TRHDE: variants seen among roughly 807,000 people sequenced by gnomAD.
TRHDE encodes the protein thyrotropin-releasing hormone-degrading ectoenzyme.
In TRHDE, 72 loss-of-function variants were observed where a neutral mutation model predicts 125.7. The ratio of observed to expected loss-of-function variants is 0.57; its 90% CI spans 0.47 to 0.70. TRHDE has a LOEUF of 0.70. TRHDE is among the 30% of genes least tolerant of loss of function. The pLI is 0.00. For missense variants in TRHDE, 1,110 were observed against 1,327.1 expected, an observed-to-expected ratio of 0.84 and a Z score of 2.54; for synonymous variants, 509 against 509.1, an observed-to-expected ratio of 1.00 and a Z score of 0.00.
chr12:72,659,471 G>A (rs939562945), intron 18 of TRHDE, among the ~76,000 whole-genome samples: 1 of 151,974 alleles, frequency 6.6e-6, no homozygotes, highest in Non-Finnish European at 1.5e-5. Flanking sequence ...TGCATCAAAG[G>A]CATTACATTT....
chr12:72,439,034 G>A (rs1447542149), intron 3 of TRHDE, among the ~76,000 whole-genome samples: 1 of 151,836 alleles, frequency 6.6e-6, no homozygotes, highest in South Asian at 2.1e-4. Flanking sequence ...AGTTTTTCAA[G>A]CATCGTTTAT....
At chr12:72,558,033 GGA>G (rs1222726070) in intron 7 of TRHDE, among the ~76,000 whole-genome samples, 2 of 150,936 alleles carry the variant, frequency 1.3e-5, no homozygotes, top group African/African-American at 4.9e-5. Flanking sequence ...GAGAGGACAG[GGA>G]GAGAGAGGAG....
intron 2 of TRHDE, among the ~76,000 whole-genome samples, chr12:72,160,540 T>G (rs1206775699): frequency 6.6e-6 from 1 of 151,928 alleles, no homozygotes. Context: ...TACAAAAAAA[T>G]TAGCTGGGCT....
chr12:72,544,983 G>C (rs1269962252), intron 7 of TRHDE, among the ~76,000 whole-genome samples: 1 of 151,276 alleles, frequency 6.6e-6, no homozygotes, highest in African/African-American at 2.4e-5. Flanking sequence ...GAAAAATTTT[G>C]TTTCTATAGT....
At chr12:72,254,274 T>C (rs112873111) in intron 2 of TRHDE, 4 of 152,142 alleles carry the variant, frequency 2.6e-5, no homozygotes, top group African/African-American at 4.8e-5. Flanking sequence ...CTGTCCAGTT[T>C]TGATCATGGT....
chr12:72,146,053 T>C (rs1387977106), intron 2 of TRHDE, among the ~76,000 whole-genome samples: 1 of 152,206 alleles, frequency 6.6e-6, no homozygotes, highest in Non-Finnish European at 1.5e-5. Flanking sequence ...TAGAAATGTG[T>C]CACGATAATA....
intron 1 of TRHDE, among the ~76,000 whole-genome samples, chr12:72,276,696 G>A (rs1176728290): frequency 6.6e-6 from 1 of 152,150 alleles, no homozygotes; most frequent in African/African-American, 2.4e-5. Context: ...TGAAGCCCAA[G>A]TTTTCCCAAG....
At chr12:72,285,641 C>A (rs1053739536) in intron 1 of TRHDE, among the ~76,000 whole-genome samples, 2 of 151,682 alleles carry the variant, frequency 1.3e-5, no homozygotes, top group African/African-American at 4.8e-5. Context: ...CTGCCTCAGC[C>A]TTCCGAATAA....
At chr12:72,217,371 T>G (rs1490698565) in intron 2 of TRHDE, among the ~76,000 whole-genome samples, 1 of 152,150 alleles carries the variant, frequency 6.6e-6, no homozygotes, top group Non-Finnish European at 1.5e-5. Flanking sequence ...TAAGGACTGT[T>G]CCTAGTGCCT....
At chr12:72,406,357 T>C (rs1370232864) in intron 3 of TRHDE, among the ~76,000 whole-genome samples, 1 of 152,114 alleles carries the variant, frequency 6.6e-6, no homozygotes, top group Non-Finnish European at 1.5e-5. Flanking sequence ...TCCAGCAAAG[T>C]CTAGGAAAAA....
chr12:72,253,100 T>G (rs2139388303), intron 2 of TRHDE, among the ~76,000 whole-genome samples: 1 of 152,088 alleles, frequency 6.6e-6, no homozygotes, highest in African/African-American at 2.4e-5. Flanking sequence ...AAAAATTGGG[T>G]TTAGTTTTAT....
At chr12:72,449,207 G>A (rs1262495692) in intron 3 of TRHDE, among the ~76,000 whole-genome samples, 1 of 151,964 alleles carries the variant, frequency 6.6e-6, no homozygotes, top group Non-Finnish European at 1.5e-5. Flanking sequence ...AAAAATTTAT[G>A]TTTGAAATAG....
chr12:72,121,718 G>A (rs1334972114), intron 2 of TRHDE, among the ~76,000 whole-genome samples: 1 of 139,928 alleles, frequency 7.1e-6, no homozygotes, highest in Non-Finnish European at 1.5e-5. Context: ...TTACGAAGGT[G>A]CCTTTTTTTT....
chr12:72,613,034 T>C lies in TRHDE; in HGVS notation c.2322-5857T>C, dbSNP rs554974901. 2.5e-4 allele frequency among the ~76,000 whole-genome samples: 38 copies of C among 152,306 alleles called. 1 individual carries two copies. The highest frequency in any genetic ancestry group is 1.1e-3 in the Admixed American group (17 of 15,296). On this transcript the variant is annotated intron_variant, in intron 12 of 18. Coordinates refer to ENST00000261180, the MANE Select transcript of TRHDE (RefSeq NM_013381.3). ...ATAAATGTTTCCTGGATGTCTTATT[T>C]TTAATTTTTAAATGTTTACTGAAGA...
chr12:72,454,351 G>A (rs1233668864), intron 3 of TRHDE, among the ~76,000 whole-genome samples: 1 of 152,076 alleles, frequency 6.6e-6, no homozygotes, highest in African/African-American at 2.4e-5. Flanking sequence ...ATTTTGTGAA[G>A]ATTGTTTAAA....
chr12:72,645,401 T>A (rs183048472), intron 15 of TRHDE, among the ~76,000 whole-genome samples: 1 of 152,238 alleles, frequency 6.6e-6, no homozygotes, highest in East Asian at 1.9e-4. Flanking sequence ...TAAAGACAAG[T>A]ATTTAAAAAT....
chr12:72,321,740 G>A (rs764272091), intron 2 of TRHDE, among the ~76,000 whole-genome samples: 24 of 152,042 alleles, frequency 1.6e-4, no homozygotes, highest in Non-Finnish European at 2.6e-4. Flanking sequence ...TAAAATGCAA[G>A]GTTAATATAG....
chr12:72,164,912 A>G (rs1876711973), intron 2 of TRHDE, among the ~76,000 whole-genome samples: 1 of 152,280 alleles, frequency 6.6e-6, no homozygotes, highest in South Asian at 2.1e-4. Context: ...TGGAACACAC[A>G]TTCAGGGGCA....
At chr12:72,313,231 T>A (rs1189906217) in intron 2 of TRHDE, among the ~76,000 whole-genome samples, 1 of 152,008 alleles carries the variant, frequency 6.6e-6, no homozygotes, top group African/African-American at 2.4e-5. Flanking sequence ...ATTTCAGACT[T>A]TATTGGCATT....
Sources: gnomAD v4.1 joint callset for allele counts (sites outside exome capture counted in the v4.1 genomes callset) on GRCh38, gnomAD v4.1.1 for gene constraint, MANE v1.5 for transcripts, NCBI Gene and HGNC (gene_info 2026-07-23, HGNC 2026-07-21) for gene names.